Variants in ITGA9 observed in about 807,000 individuals in gnomAD.
The protein encoded by ITGA9 is integrin subunit alpha 9.
ITGA9 carries 56 observed loss-of-function variants against 127.8 expected under a neutral mutation model. The observed-to-expected ratio is 0.44, with a 90% CI of 0.35 to 0.55. The LOEUF (loss-of-function observed/expected upper bound fraction) is 0.55, where lower values mean the gene tolerates loss of function less well. Ranked by LOEUF, ITGA9 falls within the 20% of genes least tolerant of loss-of-function variation. The pLI, the probability that ITGA9 is intolerant of heterozygous loss-of-function variation, is 0.00. For missense variants in ITGA9, 1,196 were observed against 1,347.1 expected (o/e 0.89, Z 1.76); for synonymous variants, 508 against 514.5 (o/e 0.99, Z 0.17).
intron 15 of ITGA9, among the ~76,000 whole-genome samples, chr3:37,606,672 C>T (rs1405385803): frequency 6.6e-6 from 1 of 152,170 alleles, no homozygotes; most frequent in East Asian, 1.9e-4. Flanking sequence ...CAGCATTTCA[C>T]CGCTGTCCTC....
chr3:37,507,063 A>G (rs1298447628), intron 7 of ITGA9, among the ~76,000 whole-genome samples: 2 of 152,156 alleles, frequency 1.3e-5, no homozygotes, highest in Non-Finnish European at 2.9e-5. Context: ...AGAGGTTAGG[A>G]GCTGCTGCTC....
chr3:37,634,423 A>G (rs540470770), intron 16 of ITGA9, among the ~76,000 whole-genome samples: 136 of 152,266 alleles, frequency 8.9e-4, no homozygotes, highest in Non-Finnish European at 1.4e-3. Flanking sequence ...AAAAAATTCT[A>G]TGCAAATGGA....
chr3:37,512,900 A>G (rs1223353509), intron 8 of ITGA9, among the ~76,000 whole-genome samples: 2 of 152,128 alleles, frequency 1.3e-5, no homozygotes, highest in African/African-American at 4.8e-5. Context: ...ACCTGCCTGG[A>G]TCCTGTTGGT....
In ITGA9 at chr3:37,818,942, C is replaced by A; in HGVS notation, c.3061C>A (p.Arg1021=). ...AGAAATTATCGAAGCTGAGAAGAAC[C>A]GGAAAGAGAATGAAGACAGTTGGGA... ...YKEIIEAEKN[R]KENEDSWDWV... The change falls in exon 28 of 28, where the codon CGG becomes AGG. Residue 1021 remains arginine, a synonymous_variant. Coordinates refer to ENST00000264741, the MANE Select transcript of ITGA9 (RefSeq NM_002207.3). 6.2e-7 allele frequency: 1 copy of A among 1,614,104 alleles called. No homozygotes were observed. Among genetic ancestry groups the A allele is most frequent in the South Asian group, 1.1e-5 (1 of 91,074 alleles).
At chr3:37,741,644 A>G in intron 20 of ITGA9, 86 bp from the exon 21 acceptor site, 1 of 1,038,562 alleles carries the variant, frequency 9.6e-7, no homozygotes, top group East Asian at 2.6e-5. Flanking sequence ...GAATGTAGAG[A>G]TTCAACTCTA....
At chr3:37,582,289 G>A (rs572118730) in intron 15 of ITGA9, among the ~76,000 whole-genome samples, 5 of 152,334 alleles carry the variant, frequency 3.3e-5, no homozygotes, top group South Asian at 2.1e-4. Flanking sequence ...AGCAGTTGAA[G>A]TGCAGCTGTG....
In ITGA9 at chr3:37,736,236, G is replaced by A. The variant is rs78747729; in HGVS notation, c.2155-668G>A. ...TCCACATATTAATTTGAGGAGTGGC[G>A]GGGGGACACAAACATTCAGCGCATA... On this transcript the variant is annotated intron_variant, in intron 19 of 27. Transcript: ENST00000264741. 4.6e-5 allele frequency among the ~76,000 whole-genome samples: 7 copies of A among 152,190 alleles called. No individual in the cohort carries two copies. In the East Asian group the frequency reaches 9.7e-4, roughly 21 times the overall value.
rs1473725829 is a variant in ITGA9 at position 37,799,280 on chromosome 3, G to A, written c.2890-4543G>A. Among the ~76,000 whole-genome samples the A allele has an allele frequency of 6.6e-6, 1 of 152,140 alleles. No homozygotes were observed. Among genetic ancestry groups the A allele is most frequent in the Non-Finnish European group, 1.5e-5 (1 of 68,018 alleles). On this transcript the variant is annotated intron_variant, in intron 26 of 27. Transcript: ENST00000264741. The surrounding 1 kb of genome is among the most constrained non-coding windows in gnomAD (Gnocchi z 4.0). ...TGCAGCCTCCACCTCCCGGGCTCAA[G>A]TGATTCTCCTGCCTCAGCCTCCCAA...
chr3:37,706,362 T>C (rs1181638444), intron 18 of ITGA9, among the ~76,000 whole-genome samples: 13 of 152,176 alleles, frequency 8.5e-5, no homozygotes. Flanking sequence ...TTTCCTGAGA[T>C]GTAATGACTC....
chr3:37,812,822 G>GA (rs1258382987), intron 27 of ITGA9, among the ~76,000 whole-genome samples: 3 of 152,254 alleles, frequency 2.0e-5, no homozygotes, highest in East Asian at 1.9e-4. Context: ...GAAGGTTCCA[G>GA]AAAAAATGCA....
At chr3:37,614,641 T>A (rs1304775516) in intron 15 of ITGA9, among the ~76,000 whole-genome samples, 1 of 152,154 alleles carries the variant, frequency 6.6e-6, no homozygotes, top group Non-Finnish European at 1.5e-5. Context: ...TTTATTTCAT[T>A]GAGCAGTGGT....
At position 37,618,858 on chromosome 3, in the gene ITGA9, G is replaced by A. The variant is rs1700100867; in HGVS notation, c.1690-10329G>A. ...TGACCCGATTTTCCAGGTGCCATCT[G>A]TCACCCCTTTCTTTGACTAGGAAAG... On this transcript the variant is annotated intron_variant, in intron 15 of 27. Coordinates refer to ENST00000264741, the MANE Select transcript of ITGA9 (RefSeq NM_002207.3). 2.6e-5 allele frequency among the ~76,000 whole-genome samples: 4 copies of A among 152,174 alleles called. No individual in the cohort carries two copies. In the South Asian group the frequency reaches 8.3e-4, roughly 31 times the overall value.
chr3:37,528,027 T>A (rs267511), intron 13 of ITGA9, among the ~76,000 whole-genome samples: 12 of 151,864 alleles, frequency 7.9e-5, no homozygotes, highest in Admixed American at 2.0e-4. Flanking sequence ...CCTCGTGATC[T>A]GCCCACCTCA....
chr3:37,736,337 T>C (rs1290476125), intron 19 of ITGA9, among the ~76,000 whole-genome samples: 1 of 152,190 alleles, frequency 6.6e-6, no homozygotes, highest in Non-Finnish European at 1.5e-5. Context: ...TCTTTAACAC[T>C]TCTCTATCAC....
chr3:37,780,800 G>T (rs1429882718), intron 25 of ITGA9, among the ~76,000 whole-genome samples: 1 of 152,190 alleles, frequency 6.6e-6, no homozygotes, highest in Non-Finnish European at 1.5e-5. Flanking sequence ...CAGTGTATAA[G>T]TGTTCCCTTT....
intron 16 of ITGA9, among the ~76,000 whole-genome samples, chr3:37,632,882 ACAAT>A (rs1281609634): frequency 1.3e-5 from 2 of 152,238 alleles, no homozygotes; most frequent in Non-Finnish European, 2.9e-5. Flanking sequence ...TTTCAGCCAC[ACAAT>A]CAAAGTATGT....
intron 15 of ITGA9, among the ~76,000 whole-genome samples, chr3:37,565,299 A>C (rs1699534548): frequency 6.6e-6 from 1 of 152,160 alleles, no homozygotes; most frequent in Admixed American, 6.5e-5. Flanking sequence ...ATTAAAAGCT[A>C]GGTTGGCAGA....
rs1460910995 is a variant in ITGA9 at position 37,597,564 on chromosome 3, C to T, written c.1690-31623C>T. Among the ~76,000 whole-genome samples the T allele has an allele frequency of 2.0e-5, 3 of 152,174 alleles. No individual in the cohort carries two copies. The highest frequency in any genetic ancestry group is 7.2e-5 in the African/African-American group (3 of 41,428). On this transcript the variant is annotated intron_variant, in intron 15 of 27. Coordinates refer to ENST00000264741, the MANE Select transcript of ITGA9 (RefSeq NM_002207.3). This position sits in a 1 kb window ranked among gnomAD's most constrained non-coding sequence, Gnocchi z 4.6. ...AGGGTCTAACATAGCTTCCCTTTCC[C>T]ACCTACGACCTATGAGGTGCACCTG... is the stretch of plus-strand genomic sequence containing the variant.
intron 17 of ITGA9, among the ~76,000 whole-genome samples, chr3:37,664,166 A>G (rs1321588232): frequency 6.6e-6 from 1 of 152,152 alleles, no homozygotes; most frequent in African/African-American, 2.4e-5. Context: ...GGGTTCAGCT[A>G]TCAGCTGGCT....
Sources: gnomAD v4.1 joint callset for allele counts (sites outside exome capture counted in the v4.1 genomes callset) on GRCh38, gnomAD v4.1.1 for gene constraint, Gnocchi (gnomAD v3.1) non-coding constraint, MANE v1.5 for transcripts, NCBI Gene and HGNC (gene_info 2026-07-23, HGNC 2026-07-21) for gene names.